ATP6V0D1: variants seen among roughly 807,000 people sequenced by gnomAD.
The protein encoded by ATP6V0D1 is V-type proton ATPase subunit d 1.
Under a neutral mutation model 39.0 loss-of-function variants are expected in ATP6V0D1, and 13 were observed. The ratio of observed to expected loss-of-function variants is 0.33; its 90% confidence interval spans 0.22 to 0.53. ATP6V0D1 has a LOEUF of 0.53. ATP6V0D1 is among the 20% of genes least tolerant of loss of function. The pLI is 0.94. For synonymous variants in ATP6V0D1, 191 were observed against 191.2 expected (o/e 1.00, Z 0.01); for missense variants, 272 against 470.9 (o/e 0.58, Z 3.91).
intron 1 of ATP6V0D1, among the ~76,000 whole-genome samples, chr16:67,467,157 G>A (rs2041336846): frequency 1.3e-5 from 2 of 152,072 alleles, no homozygotes; most frequent in African/African-American, 4.8e-5. Context: ...TGGGGGGTGG[G>A]AGACTTGGCT....
chr16:67,469,465 C>G (rs935434900), intron 1 of ATP6V0D1, among the ~76,000 whole-genome samples: 3 of 152,222 alleles, frequency 2.0e-5, no homozygotes, highest in Non-Finnish European at 4.4e-5. Context: ...CTCACAGTGG[C>G]TATACCTGGA....
chr16:67,480,628 G>C (rs2041462610), intron 1 of ATP6V0D1, among the ~76,000 whole-genome samples: 1 of 152,130 alleles, frequency 6.6e-6, no homozygotes, highest in African/African-American at 2.4e-5. Flanking sequence ...CTACGTCAGG[G>C]TAAAGAGGTT....
At chr16:67,465,936 C>A (rs534883506) in intron 1 of ATP6V0D1, among the ~76,000 whole-genome samples, 5 of 152,148 alleles carry the variant, frequency 3.3e-5, no homozygotes, top group Admixed American at 1.3e-4. Flanking sequence ...CGGGGTCCAG[C>A]CACACCTCCC....
At chr16:67,454,273 A>C (rs2041213943) in intron 1 of ATP6V0D1, among the ~76,000 whole-genome samples, 1 of 152,226 alleles carries the variant, frequency 6.6e-6, no homozygotes, top group East Asian at 1.9e-4. Context: ...AGTACAAAGG[A>C]AACAGCCAGG....
intron 1 of ATP6V0D1, among the ~76,000 whole-genome samples, chr16:67,475,199 T>C (rs964334494): frequency 2.6e-5 from 4 of 152,232 alleles, no homozygotes; most frequent in African/African-American, 7.2e-5. Flanking sequence ...CTTCTAGAGC[T>C]AATCTCTCCT....
chr16:67,441,837 G>A (rs2041056478), intron 4 of ATP6V0D1: 1 of 152,230 alleles, frequency 6.6e-6, no homozygotes. Flanking sequence ...CCCACCTCTG[G>A]TTTCAGGCCC....
intron 2 of ATP6V0D1, chr16:67,452,355 T>C (rs1275706958): frequency 1.3e-6 from 2 of 1,535,702 alleles, no homozygotes; most frequent in Non-Finnish European, 1.7e-6. Context: ...AGCCTCTGAC[T>C]CCTGCCTGAG....
Position 67,438,278 on chromosome 16 carries a change from G to A in ATP6V0D1, c.*250C>T, listed in dbSNP as rs1177113451. On this transcript the variant is annotated 3_prime_UTR_variant, in exon 8 of 8. Coordinates refer to ENST00000290949, the MANE Select transcript of ATP6V0D1 (RefSeq NM_004691.5). ...AGCGGCTGTAACCACAGGGCTGAGG[G>A]GGCCTCCTTGCTCTGGAGGGGGTCT... The A allele has an allele frequency of 1.1e-5, 6 of 551,872 alleles. No individual in the cohort carries two copies. The highest frequency in any genetic ancestry group is 3.2e-5 in the Admixed American group (1 of 30,834). The allele number at this position is 551,872 out of a possible 1,614,324, so 34.2% of individuals were successfully genotyped here.
intron 1 of ATP6V0D1, among the ~76,000 whole-genome samples, chr16:67,463,584 A>G (rs1376392649): frequency 6.6e-6 from 1 of 152,096 alleles, no homozygotes; most frequent in East Asian, 1.9e-4. Flanking sequence ...GGAAAAAAAA[A>G]AAGAAAGAAA....
intron 1 of ATP6V0D1, among the ~76,000 whole-genome samples, chr16:67,471,986 A>T (rs2041377260): frequency 6.6e-6 from 1 of 151,968 alleles, no homozygotes; most frequent in Non-Finnish European, 1.5e-5. Flanking sequence ...TACCTCCTCC[A>T]CAATTCCCCT....
At chr16:67,477,076 CAA>C (rs1180934875) in intron 1 of ATP6V0D1, among the ~76,000 whole-genome samples, 15 of 55,242 alleles carry the variant, frequency 2.7e-4, no homozygotes, top group Non-Finnish European at 3.8e-4. Context: ...TAAGTATTTA[CAA>C]AAAAAAAAAA....
At position 67,466,326 on chromosome 16, in the gene ATP6V0D1, TACACACACACACACAC is replaced by T. The variant is rs536624557; in HGVS notation, c.131-12627_131-12612del. On this transcript the variant is annotated intron_variant, in intron 1 of 7. Transcript: ENST00000290949. Reference sequence around the variant, plus strand: ...AGAAACCCTGTATCTAGTAAACACATACACACACACACACACACACACACACACACACACACACACA... The same window carrying T: ...AGAAACCCTGTATCTAGTAAACACATACACACACACACACACACACACACA... Among the ~76,000 whole-genome samples, 103 of 120,580 alleles carry T rather than the reference TACACACACACACACAC, an allele frequency of 8.5e-4. 1 individual carries two copies. The highest frequency in any genetic ancestry group is 1.9e-3 in the East Asian group (8 of 4,126). 79.1% of individuals were successfully genotyped at this position (120,580 alleles called of 152,430 possible).
At chr16:67,443,000 G>T in intron 4 of ATP6V0D1, 99 bp downstream of exon 4, 1 of 1,275,970 alleles carries the variant, frequency 7.8e-7, no homozygotes, top group Non-Finnish European at 1.1e-6. Context: ...TGACATAGCT[G>T]CATCCTGTCC....
chr16:67,448,977 G>A (rs896678545), intron 2 of ATP6V0D1, among the ~76,000 whole-genome samples: 18 of 152,238 alleles, frequency 1.2e-4, no homozygotes, highest in African/African-American at 4.1e-4. Context: ...ACTGGCCAGG[G>A]GAGTGGGGGC....
chr16:67,465,371 T>A (rs933506414), intron 1 of ATP6V0D1, among the ~76,000 whole-genome samples: 2 of 151,846 alleles, frequency 1.3e-5, no homozygotes, highest in Admixed American at 6.5e-5. Context: ...TCAGAGGGAG[T>A]GCCAAATGAG....
chr16:67,481,111 G>A lies in ATP6V0D1; in HGVS notation c.-25C>T, dbSNP rs1236274311. On this transcript the variant is annotated 5_prime_UTR_variant, in exon 1 of 8. Coordinates refer to ENST00000290949, the MANE Select transcript of ATP6V0D1 (RefSeq NM_004691.5). ...TGGCTGCTGCGGGAGCGGCGGGACCGGAGAACCAGGACCGGCCGGCACGAA... is the reference window on the plus strand; with the variant it reads ...TGGCTGCTGCGGGAGCGGCGGGACCAGAGAACCAGGACCGGCCGGCACGAA... 4.3e-6 allele frequency: 7 copies of A among 1,613,180 alleles called. No individual in the cohort carries two copies. Among genetic ancestry groups the A allele is most frequent in the South Asian group, 1.1e-5 (1 of 91,006 alleles).
intron 1 of ATP6V0D1, among the ~76,000 whole-genome samples, chr16:67,471,347 C>G (rs890954534): frequency 1.3e-5 from 2 of 152,158 alleles, no homozygotes; most frequent in African/African-American, 4.8e-5. Context: ...CGCCACCACG[C>G]CCGGCTAATT....
rs147184022 is a variant in ATP6V0D1, at chr16:67,439,345, G to A, written c.568C>T (p.Leu190=). The part of the protein sequence containing the change: ...IIRNTLYKAY[L]ESFYKFCTLL... ...GTGCAGAACTTGTAGAAGGACTCCA[G>A]GTAGGCCTGTAGAGAGTATGGAGCT... The change falls in exon 5 of 8, where the codon CTG becomes TTG. Residue 190 remains leucine, a synonymous_variant. Transcript: ENST00000290949. 8.7e-6 allele frequency: 14 copies of A among 1,614,080 alleles called. No individual in the cohort carries two copies. The African/African-American group carries it at 1.6e-4, about 18-fold the overall frequency.
intron 1 of ATP6V0D1, among the ~76,000 whole-genome samples, chr16:67,478,943 T>C (rs1010740575): frequency 4.0e-5 from 6 of 151,690 alleles, no homozygotes; most frequent in African/African-American, 1.5e-4. Context: ...GATGTTCACC[T>C]TAGATTTAGG....
Sources: gnomAD v4.1 joint callset for allele counts (sites outside exome capture counted in the v4.1 genomes callset) on GRCh38, gnomAD v4.1.1 for gene constraint, MANE v1.5 for transcripts, NCBI Gene and HGNC (gene_info 2026-07-23, HGNC 2026-07-21) for gene names.